The following PCDHA13 variants were observed in gnomAD, a reference collection of about 807,000 sequenced individuals.
PCDHA13 encodes the protein protocadherin alpha 13.
Under a neutral mutation model 64.8 loss-of-function variants are expected in PCDHA13, and 54 were observed. That is an observed-to-expected ratio of 0.83 (90% CI 0.67 to 1.04). The LOEUF (loss-of-function observed/expected upper bound fraction) is 1.04. Among genes scored for constraint, PCDHA13 ranks in the 50% least tolerant of loss-of-function variants. PCDHA13 has a pLI of 0.00. For synonymous variants in PCDHA13, 587 were observed against 564.4 expected (o/e 1.04, Z -0.57); for missense variants, 1,248 against 1,254.3 (o/e 0.99, Z 0.08).
At chr5:140,988,761 A>G (rs1320753301) in intron 3 of PCDHA13, among the ~76,000 whole-genome samples, 1 of 152,218 alleles carries the variant, frequency 6.6e-6, no homozygotes, top group Non-Finnish European at 1.5e-5. Context: ...TGGGCAGAAT[A>G]CAGTCATGGT....
intron 2 of PCDHA13, among the ~76,000 whole-genome samples, chr5:140,979,789 C>CAAAT (rs1244398411): frequency 2.6e-5 from 4 of 152,148 alleles, no homozygotes; most frequent in African/African-American, 9.7e-5. Context: ...GACCAAGAAA[C>CAAAT]AAATGATCAC....
intron 1 of PCDHA13, among the ~76,000 whole-genome samples, chr5:140,950,234 T>C (rs1423756424): frequency 1.3e-5 from 2 of 152,028 alleles, no homozygotes; most frequent in Non-Finnish European, 2.9e-5. Flanking sequence ...TCTAGTGCCA[T>C]TAATTTGTTC....
At chr5:140,977,703 A>G (rs1407162368) in intron 1 of PCDHA13, among the ~76,000 whole-genome samples, 1 of 152,192 alleles carries the variant, frequency 6.6e-6, no homozygotes, top group Non-Finnish European at 1.5e-5. Context: ...ATCTGTCTGA[A>G]TATTGAGATG....
At chr5:140,985,532 G>T (rs1358120172) in intron 3 of PCDHA13, among the ~76,000 whole-genome samples, 1 of 152,072 alleles carries the variant, frequency 6.6e-6, no homozygotes, top group Non-Finnish European at 1.5e-5. Context: ...AAAGCTTCAC[G>T]GTGAAGATGC....
chr5:140,998,107 A>G (rs138517610), intron 3 of PCDHA13, among the ~76,000 whole-genome samples: 1 of 152,328 alleles, frequency 6.6e-6, no homozygotes, highest in Non-Finnish European at 1.5e-5. Flanking sequence ...AACAGAGGAG[A>G]AAATTTACTT....
At chr5:140,893,488 C>G (rs2064010316) in intron 1 of PCDHA13, among the ~76,000 whole-genome samples, 1 of 151,368 alleles carries the variant, frequency 6.6e-6, no homozygotes, top group Non-Finnish European at 1.5e-5. Flanking sequence ...CCCTGTTCTT[C>G]ACAAAAAAGA....
chr5:140,906,877 A>G (rs1361751716), intron 1 of PCDHA13, among the ~76,000 whole-genome samples: 1 of 152,122 alleles, frequency 6.6e-6, no homozygotes, highest in Non-Finnish European at 1.5e-5. Context: ...CAACACTGTA[A>G]CTTCCTTCTT....
intron 1 of PCDHA13, chr5:140,929,083 A>G (rs1554206659): frequency 1.2e-6 from 2 of 1,614,156 alleles, no homozygotes; most frequent in Admixed American, 3.3e-5. Context: ...TGGAAGTAAG[A>G]TGGTTTCAAA....
chr5:140,983,329 A>G (rs1359569826), intron 3 of PCDHA13, among the ~76,000 whole-genome samples: 8 of 152,228 alleles, frequency 5.3e-5, no homozygotes, highest in Admixed American at 6.5e-5. Flanking sequence ...TTCTTGCCCT[A>G]TCACTAAAGC....
At chr5:140,986,081 A>AT (rs2097186605) in intron 3 of PCDHA13, among the ~76,000 whole-genome samples, 1 of 152,010 alleles carries the variant, frequency 6.6e-6, no homozygotes, top group South Asian at 2.1e-4. Context: ...CTGTTCATTT[A>AT]TTTTCACAGT....
At chr5:141,008,704 T>C (rs1485324733) in intron 3 of PCDHA13, among the ~76,000 whole-genome samples, 1 of 152,236 alleles carries the variant, frequency 6.6e-6, no homozygotes, top group East Asian at 1.9e-4. Context: ...AGTTGGTTTC[T>C]AGTTGCTTGA....
chr5:140,904,423 T>TTA (rs1304104435), intron 1 of PCDHA13, among the ~76,000 whole-genome samples: 1 of 151,090 alleles, frequency 6.6e-6, no homozygotes. Flanking sequence ...TACATATATT[T>TTA]TATATATATG....
At chr5:140,985,083 G>A (rs782261438) in intron 3 of PCDHA13, among the ~76,000 whole-genome samples, 5 of 152,158 alleles carry the variant, frequency 3.3e-5, no homozygotes, top group East Asian at 1.9e-4. Context: ...GACTACAGGC[G>A]TGTGCCACCA....
intron 1 of PCDHA13, among the ~76,000 whole-genome samples, chr5:140,903,696 A>G (rs2153481433): frequency 6.6e-6 from 1 of 152,370 alleles, no homozygotes; most frequent in East Asian, 1.9e-4. Context: ...ATAGTTTAAA[A>G]TAGTAATAAA....
At chr5:140,952,088 A>G (rs2094684736) in intron 1 of PCDHA13, among the ~76,000 whole-genome samples, 1 of 152,154 alleles carries the variant, frequency 6.6e-6, no homozygotes, top group South Asian at 2.1e-4. Flanking sequence ...TCCATGTCTC[A>G]CATCCAGGGC....
chr5:140,967,858 G>C lies in PCDHA13; in HGVS notation c.2395-11091G>C, dbSNP rs2096190865. ...TGGACGTGAATGACAATGCCCCAGA[G>C]GTGGTGCTCACGGACCTGTATAGCC... On this transcript the variant is annotated intron_variant, in intron 1 of 3. Coordinates refer to ENST00000289272, the MANE Select transcript of PCDHA13 (RefSeq NM_018904.3). 6 of 1,614,166 alleles carry C rather than the reference G, an allele frequency of 3.7e-6. No homozygotes were observed. The East Asian group carries it at 1.3e-4, about 36-fold the overall frequency.
intron 1 of PCDHA13, chr5:140,929,617 A>C: frequency 2.5e-6 from 1 of 401,992 alleles, no homozygotes; most frequent in Non-Finnish European, 4.5e-6. Context: ...AAATACCAAA[A>C]TATTTTATAA....
intron 3 of PCDHA13, among the ~76,000 whole-genome samples, chr5:140,987,981 ACT>A (rs2153869731): frequency 6.6e-6 from 1 of 152,028 alleles, no homozygotes; most frequent in African/African-American, 2.4e-5. Context: ...CTCCATGGAG[ACT>A]CCATCTCTGA....
intron 1 of PCDHA13, among the ~76,000 whole-genome samples, chr5:140,918,404 T>C (rs2078676215): frequency 6.6e-6 from 1 of 152,196 alleles, no homozygotes; most frequent in Admixed American, 6.5e-5. Context: ...CTGATTTCTC[T>C]GGCCAGGACT....
Sources: allele counts gnomAD v4.1 joint callset (sites outside exome capture counted in the v4.1 genomes callset), GRCh38; gene constraint gnomAD v4.1.1; transcripts MANE v1.5; gene names NCBI Gene and HGNC (gene_info 2026-07-23, HGNC 2026-07-21).